CYTH3: variants seen among roughly 807,000 people sequenced by gnomAD.
CYTH3 encodes the protein cytohesin-3.
CYTH3 carries 23 observed loss-of-function variants against 55.1 expected under a neutral mutation model. The ratio of observed to expected loss-of-function variants is 0.42; its 90% CI spans 0.30 to 0.59. The LOEUF is 0.59. Ranked by LOEUF, CYTH3 falls within the 20% of genes least tolerant of loss-of-function variation. The probability of loss-of-function intolerance (pLI) is 0.20; values close to 1 mark genes in which losing one functional copy is unlikely to be tolerated. For missense variants in CYTH3, 413 were observed against 524.8 expected (o/e 0.79, Z 2.08); for synonymous variants, 249 against 194.9 (o/e 1.28, Z -2.31).
intron 4 of CYTH3, among the ~76,000 whole-genome samples, chr7:6,180,477 G>C (rs894128309): frequency 6.6e-6 from 1 of 152,208 alleles, no homozygotes; most frequent in Non-Finnish European, 1.5e-5. Flanking sequence ...AGGTGCCCAC[G>C]GCTGTGGAGA....
intron 1 of CYTH3, among the ~76,000 whole-genome samples, chr7:6,266,994 T>C (rs1419990255): frequency 6.6e-6 from 1 of 152,214 alleles, no homozygotes; most frequent in Non-Finnish European, 1.5e-5. Flanking sequence ...GACAGGATCA[T>C]GGAGGCAGAT....
rs1318903587 is a variant in CYTH3, at chr7:6,162,421, G to C, written c.*2523C>G. ...ATTCAAGCCCTGCGCTCAGACGTCA[G>C]GGTGGGGAGGAGGAGGACTGTGATT... On this transcript the variant is annotated 3_prime_UTR_variant, in exon 13 of 13. Transcript: ENST00000350796. 1 of 152,356 alleles carries C rather than the reference G, an allele frequency of 6.6e-6. No homozygotes were observed. The highest frequency in any genetic ancestry group is 1.5e-5 in the Non-Finnish European group (1 of 68,082). 9.4% of individuals were successfully genotyped at this position (152,356 alleles called of 1,614,324 possible).
intron 1 of CYTH3, among the ~76,000 whole-genome samples, chr7:6,248,506 A>G (rs1266206611): frequency 6.6e-6 from 1 of 152,116 alleles, no homozygotes; most frequent in Admixed American, 6.6e-5. Context: ...TCCACTCCAG[A>G]TGGGTGGGAT....
intron 1 of CYTH3, among the ~76,000 whole-genome samples, chr7:6,242,326 T>C (rs1402109934): frequency 5.3e-5 from 8 of 150,924 alleles, no homozygotes; most frequent in African/African-American, 2.0e-4. Flanking sequence ...TCCACCCGCC[T>C]CGGCCTCCCA....
chr7:6,172,866 T>C (rs941525441), intron 6 of CYTH3: 17 of 1,266,550 alleles, frequency 1.3e-5, no homozygotes, highest in Non-Finnish European at 1.6e-5. Context: ...GAGCACAACA[T>C]CACGAGGGTC....
rs1473931510 is a variant in CYTH3 at position 6,167,535 on chromosome 7, C to T, written c.824-1725G>A. Among the ~76,000 whole-genome samples the T allele has an allele frequency of 1.3e-5, 2 of 152,256 alleles. No homozygotes were observed. Among genetic ancestry groups the T allele is most frequent in the Non-Finnish European group, 2.9e-5 (2 of 68,042 alleles). ...TGCACTGGTGCCAGCTGCCATCCCC[C>T]AAACAGCGGCCAAAGGCATCTTTTC... On this transcript the variant is annotated intron_variant, in intron 9 of 12. Coordinates refer to ENST00000350796, the MANE Select transcript of CYTH3 (RefSeq NM_004227.4). The surrounding 1 kb of genome is among the most constrained non-coding windows in gnomAD (Gnocchi z 5.5).
Position 6,169,437 on chromosome 7 carries a change from C to A in CYTH3, c.823+1098G>T, listed in dbSNP as rs889945734. Among the ~76,000 whole-genome samples the A allele has an allele frequency of 6.6e-6, 1 of 152,086 alleles. No individual in the cohort carries two copies. The highest frequency in any genetic ancestry group is 1.5e-5 in the Non-Finnish European group (1 of 68,016). On this transcript the variant is annotated intron_variant, in intron 9 of 12. Transcript: ENST00000350796. The surrounding 1 kb of genome is among the most constrained non-coding windows in gnomAD (Gnocchi z 4.1). ...TATATTGCCCAGGTGGTCTGAAGCTCCTGGCCTAAGCAATCCTCCCACCTC... is the reference window on the plus strand; with the variant it reads ...TATATTGCCCAGGTGGTCTGAAGCTACTGGCCTAAGCAATCCTCCCACCTC...
chr7:6,188,605 G>C (rs919472536), intron 2 of CYTH3: 1 of 152,266 alleles, frequency 6.6e-6, no homozygotes, highest in Admixed American at 6.6e-5. Context: ...GACAGAGCCC[G>C]GGGGTGAACA....
chr7:6,271,775 G>A (rs1376399521), intron 1 of CYTH3, among the ~76,000 whole-genome samples: 1 of 152,130 alleles, frequency 6.6e-6, no homozygotes, highest in East Asian at 1.9e-4. Flanking sequence ...GGCACACCTG[G>A]CTCTCCGGTC....
At chr7:6,267,071 C>T (rs1012545295) in intron 1 of CYTH3, among the ~76,000 whole-genome samples, 3 of 152,186 alleles carry the variant, frequency 2.0e-5, no homozygotes, top group Admixed American at 6.5e-5. Context: ...CGTTTAAGGG[C>T]GTGGCATCTC....
intron 2 of CYTH3, among the ~76,000 whole-genome samples, chr7:6,189,318 TC>T (rs374883172): frequency 6.8e-4 from 102 of 151,006 alleles, no homozygotes; most frequent in East Asian, 2.2e-3. Flanking sequence ...CTTTACTTTT[TC>T]TTTTTTTTAG....
At chr7:6,192,065 T>C (rs1015033200) in intron 1 of CYTH3, among the ~76,000 whole-genome samples, 1 of 152,122 alleles carries the variant, frequency 6.6e-6, no homozygotes, top group Non-Finnish European at 1.5e-5. Flanking sequence ...GCCACTGCAC[T>C]CCAGTCTGGG....
At chr7:6,257,419 A>G (rs1186009665) in intron 1 of CYTH3, among the ~76,000 whole-genome samples, 2 of 152,240 alleles carry the variant, frequency 1.3e-5, no homozygotes, top group African/African-American at 4.8e-5. Flanking sequence ...GTAAAGAACT[A>G]AAAGGAAGTC....
Position 6,187,646 on chromosome 7 carries a change from C to G in CYTH3, c.182+11G>C. Reference sequence around the variant, plus strand: ...AGTAAATAGCTTAAAGGTGTAGCCACAAATTGTTACCTCTCCTCTACGGAA... The same window carrying G: ...AGTAAATAGCTTAAAGGTGTAGCCAGAAATTGTTACCTCTCCTCTACGGAA... On this transcript the variant is annotated intron_variant, in intron 3 of 12. Transcript: ENST00000350796. 6.2e-7 allele frequency: 1 copy of G among 1,610,154 alleles called. No homozygotes were observed. Among genetic ancestry groups the G allele is most frequent in the Non-Finnish European group, 8.5e-7 (1 of 1,176,308 alleles).
intron 1 of CYTH3, among the ~76,000 whole-genome samples, chr7:6,250,354 AG>A (rs1295893500): frequency 6.6e-6 from 1 of 152,224 alleles, no homozygotes; most frequent in Non-Finnish European, 1.5e-5. Flanking sequence ...CCTTTTCAAT[AG>A]GAAGAAAACA....
At chr7:6,187,812 C>G in intron 2 of CYTH3, 91 bp from the exon 3 acceptor site, 1 of 1,024,606 alleles carries the variant, frequency 9.8e-7, no homozygotes, top group South Asian at 1.3e-5. Context: ...TGACAAGCTT[C>G]CCTGCGGTCT....
intron 1 of CYTH3, among the ~76,000 whole-genome samples, chr7:6,236,937 T>A (rs1454079254): frequency 1.3e-5 from 2 of 152,192 alleles, no homozygotes; most frequent in African/African-American, 4.8e-5. Context: ...AATTTACAAA[T>A]TTCCCAATTA....
intron 1 of CYTH3, among the ~76,000 whole-genome samples, chr7:6,229,675 G>A (rs1779338598): frequency 6.6e-6 from 1 of 151,452 alleles, no homozygotes; most frequent in Admixed American, 6.6e-5. Flanking sequence ...AAATTAGCCG[G>A]GCATGGTGGG....
chr7:6,255,131 C>T (rs952703419), intron 1 of CYTH3, among the ~76,000 whole-genome samples: 12 of 152,070 alleles, frequency 7.9e-5, no homozygotes, highest in South Asian at 4.1e-4. Flanking sequence ...AATTTCACTT[C>T]GGTTTTTTAA....
Sources: allele counts gnomAD v4.1 joint callset (sites outside exome capture counted in the v4.1 genomes callset), GRCh38; gene constraint gnomAD v4.1.1; non-coding constraint Gnocchi (gnomAD v3.1); transcripts MANE v1.5; gene names NCBI Gene and HGNC (gene_info 2026-07-23, HGNC 2026-07-21).